Variants in PGCKA1 observed in about 807,000 individuals in gnomAD.
The protein encoded by PGCKA1 is PDCD10 and GCKIII kinases associated 1, also known as PDCD10 and GCKIII kinases-associated protein 1.
the PGCKA1 span, among the ~76,000 whole-genome samples, chr4:37,567,590 T>G: frequency 2.0e-5 from 3 of 152,186 alleles, no homozygotes; most frequent in Non-Finnish European, 4.4e-5. Flanking sequence ...GAACTGCTGG[T>G]GTGGTGTGAT....
chr4:37,565,614 T>A, the PGCKA1 span, among the ~76,000 whole-genome samples: 1 of 152,176 alleles, frequency 6.6e-6, no homozygotes, highest in African/African-American at 2.4e-5. Context: ...GAGGCCTCTG[T>A]AGAATTTCAG....
At chr4:37,529,239 T>C in the PGCKA1 span, among the ~76,000 whole-genome samples, 4 of 152,356 alleles carry the variant, frequency 2.6e-5, no homozygotes, top group South Asian at 8.3e-4. Context: ...CCTGGAAACA[T>C]ATTGAATTGT....
chr4:37,551,414 A>G, the PGCKA1 span, among the ~76,000 whole-genome samples: 1 of 152,220 alleles, frequency 6.6e-6, no homozygotes, highest in African/African-American at 2.4e-5. Flanking sequence ...CCCCAATTAC[A>G]TGCTCAACAG....
At chr4:37,514,187 C>T in the PGCKA1 span, among the ~76,000 whole-genome samples, 1 of 152,188 alleles carries the variant, frequency 6.6e-6, no homozygotes, top group Non-Finnish European at 1.5e-5. Context: ...AATGTTATCT[C>T]TCAGAGTCTC....
the PGCKA1 span, among the ~76,000 whole-genome samples, chr4:37,459,676 G>C: frequency 6.6e-6 from 1 of 152,104 alleles, no homozygotes. Context: ...ATCAGAACCT[G>C]CATTTTAACA....
At chr4:37,524,662 C>CA in the PGCKA1 span, among the ~76,000 whole-genome samples, 2 of 152,162 alleles carry the variant, frequency 1.3e-5, no homozygotes, top group Non-Finnish European at 2.9e-5. Context: ...TATTGGGGCC[C>CA]ACTTGGGGTA....
the PGCKA1 span, among the ~76,000 whole-genome samples, chr4:37,574,754 C>T: frequency 6.6e-6 from 1 of 151,932 alleles, no homozygotes; most frequent in Non-Finnish European, 1.5e-5. Flanking sequence ...CTTTCACCCC[C>T]ACCCCCAACT....
chr4:37,469,320 A>G, the PGCKA1 span, among the ~76,000 whole-genome samples: 2 of 152,264 alleles, frequency 1.3e-5, no homozygotes, highest in African/African-American at 2.4e-5. Context: ...TTTTCTCCTC[A>G]GTCAGCTGTA....
the PGCKA1 span, among the ~76,000 whole-genome samples, chr4:37,589,837 G>A: frequency 9.2e-5 from 14 of 152,256 alleles, no homozygotes; most frequent in Admixed American, 7.2e-4. Flanking sequence ...TCACCATGTC[G>A]GTCAGGCTGG....
At chr4:37,533,231 C>T in the PGCKA1 span, among the ~76,000 whole-genome samples, 8 of 152,138 alleles carry the variant, frequency 5.3e-5, no homozygotes, top group South Asian at 2.1e-4. Context: ...TAAGTTAATG[C>T]ACTTTACATG....
the PGCKA1 span, among the ~76,000 whole-genome samples, chr4:37,518,530 A>C: frequency 6.6e-6 from 1 of 152,294 alleles, no homozygotes; most frequent in East Asian, 1.9e-4. Context: ...CAGCGATGTT[A>C]AGCACCTCTT....
At chr4:37,564,049 G>C in the PGCKA1 span, among the ~76,000 whole-genome samples, 1 of 152,066 alleles carries the variant, frequency 6.6e-6, no homozygotes, top group Admixed American at 6.6e-5. Flanking sequence ...GGGACGGGTG[G>C]ATCACCGGAG....
At chr4:37,564,841 A>G in the PGCKA1 span, among the ~76,000 whole-genome samples, 5 of 152,008 alleles carry the variant, frequency 3.3e-5, no homozygotes, top group Non-Finnish European at 7.4e-5. Context: ...TCCTTTAGTA[A>G]TGATTGATGC....
chr4:37,464,067 GC>G, the PGCKA1 span, among the ~76,000 whole-genome samples: 8 of 152,172 alleles, frequency 5.3e-5, no homozygotes, highest in Admixed American at 2.0e-4. Context: ...AGCATCATAT[GC>G]ACATTTGTTT....
the PGCKA1 span, among the ~76,000 whole-genome samples, chr4:37,480,604 T>C: frequency 1.2e-3 from 181 of 152,360 alleles, no homozygotes; most frequent in African/African-American, 4.3e-3. Flanking sequence ...TGAGGGGGCT[T>C]GTCACAAGCT....
the PGCKA1 span, among the ~76,000 whole-genome samples, chr4:37,537,977 G>T: frequency 6.6e-6 from 1 of 152,024 alleles, no homozygotes; most frequent in African/African-American, 2.4e-5. Flanking sequence ...TCAAGTGTCA[G>T]ATACCATCAC....
At chr4:37,518,131 A>T in the PGCKA1 span, among the ~76,000 whole-genome samples, 1 of 152,228 alleles carries the variant, frequency 6.6e-6, no homozygotes, top group Admixed American at 6.5e-5. Flanking sequence ...CCTTGTGTAT[A>T]TGTACCACAT....
chr4:37,539,730 C>T, the PGCKA1 span, among the ~76,000 whole-genome samples: 1 of 152,188 alleles, frequency 6.6e-6, no homozygotes, highest in African/African-American at 2.4e-5. Context: ...GACCTGCTGC[C>T]ATCCTCACTG....
the PGCKA1 span, among the ~76,000 whole-genome samples, chr4:37,559,613 A>G: frequency 1.6e-3 from 245 of 152,124 alleles, no homozygotes; most frequent in African/African-American, 5.4e-3. Flanking sequence ...GATAAAATAA[A>G]ATAAATTCAG....
Sources: allele counts gnomAD v4.1 joint callset (sites outside exome capture counted in the v4.1 genomes callset), GRCh38; gene constraint gnomAD v4.1.1; transcripts MANE v1.5; gene names NCBI Gene and HGNC (gene_info 2026-07-23, HGNC 2026-07-21).